The following DEFB131A variants were observed in gnomAD, a reference collection of about 807,000 sequenced individuals.
DEFB131A encodes beta-defensin 131A.
In DEFB131A, 5 loss-of-function variants were observed where a neutral mutation model predicts 2.4. The observed-to-expected ratio is 2.12, with a 90% CI of 1.11 to 4.47. DEFB131A has a LOEUF of 4.47. Among genes scored for constraint, DEFB131A ranks in the 30% most tolerant of loss-of-function variants. DEFB131A has a pLI of 0.00. For synonymous variants in DEFB131A, 34 were observed against 25.7 expected, an observed-to-expected ratio of 1.32 and a Z score of -0.97; for missense variants, 120 against 79.9, an observed-to-expected ratio of 1.50 and a Z score of -1.91.
chr4:9,444,616 A>G lies in DEFB131A; in HGVS notation c.58+25A>G, dbSNP rs780041551. On this transcript the variant is annotated intron_variant, in intron 1 of 1. Coordinates refer to ENST00000334879, the MANE Select transcript of DEFB131A (RefSeq NM_001040448.3). ...GGTAAGACAGAAACTTTTTTATTCC[A>G]AAGTTCTAAAAATATAAGTAAAAGA... 42 of 1,597,914 alleles carry G rather than the reference A, an allele frequency of 2.6e-5. 1 individual carries two copies. In the South Asian group the frequency reaches 2.7e-4, roughly 10 times the overall value.
chr4:9,448,567 G>T (rs1248810109), intron 1 of DEFB131A, among the ~76,000 whole-genome samples: 2 of 152,066 alleles, frequency 1.3e-5, no homozygotes, highest in African/African-American at 2.4e-5. Flanking sequence ...CAGGTGATCC[G>T]CCCGCCTTGG....
chr4:9,447,544 T>A (rs1420510240), intron 1 of DEFB131A, among the ~76,000 whole-genome samples: 1 of 152,078 alleles, frequency 6.6e-6, no homozygotes, highest in Non-Finnish European at 1.5e-5. Context: ...GCACATTTGG[T>A]TTCTCCTGAG....
chr4:9,447,444 A>T (rs1717530899), intron 1 of DEFB131A, among the ~76,000 whole-genome samples: 1 of 152,174 alleles, frequency 6.6e-6, no homozygotes. Flanking sequence ...TAGGGTTATT[A>T]TAATAAAGTA....
At chr4:9,445,841 C>T in intron 1 of DEFB131A, among the ~76,000 whole-genome samples, 1 of 152,144 alleles carries the variant, frequency 6.6e-6, no homozygotes, top group Non-Finnish European at 1.5e-5. Context: ...TCCTCCCAGT[C>T]CCTAGCAACC....
chr4:9,448,418 T>G lies in DEFB131A; in HGVS notation c.59-1942T>G, dbSNP rs576836251. Among the ~76,000 whole-genome samples, 3 of 152,224 alleles carry G rather than the reference T, an allele frequency of 2.0e-5. No individual in the cohort carries two copies. In the South Asian group the frequency reaches 6.2e-4, roughly 32 times the overall value. Reference sequence around the variant, plus strand: ...GGCTGGAGTGCAGTGGCAGTGACCTTGGCTCACTGCAGCCTCTGCCTCCTG... The same window carrying G: ...GGCTGGAGTGCAGTGGCAGTGACCTGGGCTCACTGCAGCCTCTGCCTCCTG... On this transcript the variant is annotated intron_variant, in intron 1 of 1. Transcript: ENST00000334879.
intron 1 of DEFB131A, among the ~76,000 whole-genome samples, chr4:9,445,001 G>A (rs558545754): frequency 6.6e-6 from 1 of 152,126 alleles, no homozygotes; most frequent in South Asian, 2.1e-4. Flanking sequence ...GATCGCTCGA[G>A]CCTGAGATGT....
chr4:9,444,686 C>A (rs28538435), intron 1 of DEFB131A, 95 bp downstream of exon 1: 18 of 1,272,098 alleles, frequency 1.4e-5, no homozygotes, highest in Non-Finnish European at 1.8e-5. Context: ...TAGGCATGGG[C>A]AGATTTTACT....
rs1420082439 is a variant in DEFB131A at position 9,450,481 on chromosome 4, G to A, written c.180G>A (p.Lys60=). Residue 60 remains lysine (K), a synonymous_variant, in exon 2 of 2, where the codon AAG becomes AAA. Coordinates refer to ENST00000334879, the MANE Select transcript of DEFB131A (RefSeq NM_001040448.3). ...ACTTCAGCATCTGCTGCAAACTGAA[G>A]ATCATTGAAATTGACGGACAAAAGA... is the stretch of plus-strand genomic sequence containing the variant. ...CADFSICCKL[K]IIEIDGQKKW 5.0e-6 allele frequency: 8 copies of A among 1,610,544 alleles called. No individual in the cohort carries two copies. The highest frequency in any genetic ancestry group is 4.4e-5 in the South Asian group (4 of 90,626).
At chr4:9,448,115 A>T (rs6829339) in intron 1 of DEFB131A, among the ~76,000 whole-genome samples, 3,358 of 151,916 alleles carry the variant, frequency 0.022, 64 homozygotes, top group African/African-American at 0.074. Flanking sequence ...ACGCAAGATA[A>T]ATACAAAAAA....
At chr4:9,448,377 C>A (rs1717560047) in intron 1 of DEFB131A, among the ~76,000 whole-genome samples, 1 of 151,944 alleles carries the variant, frequency 6.6e-6, no homozygotes, top group African/African-American at 2.4e-5. Context: ...TTTAGACAGT[C>A]TCACTTTGTC....
rs566192918 is a variant in DEFB131A at position 9,445,152 on chromosome 4, A to G, written c.58+561A>G. Among the ~76,000 whole-genome samples, 41 of 152,264 alleles carry G rather than the reference A, an allele frequency of 2.7e-4. No homozygotes were observed. The South Asian group carries it at 7.7e-3, about 28-fold the overall frequency. On this transcript the variant is annotated intron_variant, in intron 1 of 1. Coordinates refer to ENST00000334879, the MANE Select transcript of DEFB131A (RefSeq NM_001040448.3). The stretch of plus-strand genomic sequence containing the variant: ...ATCAAAAGATGGTGAGAGGATACAC[A>G]CAGAACACAGGAAATTTAAAGAATT...
At chr4:9,446,711 G>A (rs564099577) in intron 1 of DEFB131A, among the ~76,000 whole-genome samples, 5 of 152,026 alleles carry the variant, frequency 3.3e-5, no homozygotes, top group Non-Finnish European at 5.9e-5. Context: ...TGTTCTTGCA[G>A]TAGGCATTTA....
intron 1 of DEFB131A, among the ~76,000 whole-genome samples, chr4:9,447,862 C>A (rs1200007141): frequency 6.6e-6 from 1 of 151,976 alleles, no homozygotes; most frequent in Non-Finnish European, 1.5e-5. Context: ...AGGAAAGAAT[C>A]AGTGAGCTTA....
chr4:9,447,576 C>A (rs1486683316), intron 1 of DEFB131A, among the ~76,000 whole-genome samples: 9 of 152,050 alleles, frequency 5.9e-5, no homozygotes, highest in Non-Finnish European at 1.2e-4. Context: ...CTTGCAGCTG[C>A]TTGCCTTCTT....
chr4:9,447,557 C>A (rs1248562137), intron 1 of DEFB131A, among the ~76,000 whole-genome samples: 1 of 151,992 alleles, frequency 6.6e-6, no homozygotes, highest in Non-Finnish European at 1.5e-5. Context: ...CTCCTGAGGC[C>A]TGTCTTGGCT....
intron 1 of DEFB131A, among the ~76,000 whole-genome samples, chr4:9,449,047 C>G: frequency 6.6e-6 from 1 of 151,634 alleles, no homozygotes; most frequent in Non-Finnish European, 1.5e-5. Flanking sequence ...ATAGCACTAA[C>G]AACAAGCACT....
intron 1 of DEFB131A, among the ~76,000 whole-genome samples, chr4:9,445,693 T>C (rs1299564347): frequency 6.6e-6 from 1 of 152,088 alleles, no homozygotes; most frequent in Non-Finnish European, 1.5e-5. Context: ...TTTATATTTT[T>C]ATGAGATACA....
chr4:9,449,520 C>A (rs2108838480), intron 1 of DEFB131A, among the ~76,000 whole-genome samples: 1 of 150,794 alleles, frequency 6.6e-6, no homozygotes, highest in East Asian at 2.0e-4. Context: ...GGGCCTGTAT[C>A]TTACACTACA....
In DEFB131A at chr4:9,450,615, G is replaced by T. The variant is rs989539444; in HGVS notation, c.*101G>T. ...ATGATAGATGAAAATTATTATAATT[G>T]CATGTTTAGATGGTCAGGTGAAAAT... is the stretch of plus-strand genomic sequence containing the variant. On this transcript the variant is annotated 3_prime_UTR_variant, in exon 2 of 2. Transcript: ENST00000334879. The T allele has an allele frequency of 9.3e-5, 135 of 1,445,706 alleles. No individual in the cohort carries two copies. The highest frequency in any genetic ancestry group is 4.8e-4 in the Admixed American group (21 of 43,780). The allele number at this position is 1,445,706 out of a possible 1,614,324, so 89.6% of individuals were successfully genotyped here.
Sources: gnomAD v4.1 joint callset for allele counts (sites outside exome capture counted in the v4.1 genomes callset) on GRCh38, gnomAD v4.1.1 for gene constraint, MANE v1.5 for transcripts, NCBI Gene and HGNC (gene_info 2026-07-23, HGNC 2026-07-21) for gene names.